The following PPM1E variants were observed in gnomAD, a reference collection of about 807,000 sequenced individuals.
The protein encoded by PPM1E is protein phosphatase 1E.
PPM1E carries 20 observed loss-of-function variants against 65.9 expected under a neutral mutation model. The observed-to-expected ratio is 0.30, with a 90% confidence interval of 0.21 to 0.44. The LOEUF is 0.44. Among genes scored for constraint, PPM1E ranks in the 20% least tolerant of loss-of-function variants. The pLI is 1.00. For missense variants in PPM1E, 713 were observed against 953.1 expected, an observed-to-expected ratio of 0.75 and a Z score of 3.32; for synonymous variants, 352 against 374.9, an observed-to-expected ratio of 0.94 and a Z score of 0.70.
intron 1 of PPM1E, among the ~76,000 whole-genome samples, chr17:58,851,949 C>T (rs2050830546): frequency 6.6e-6 from 1 of 152,206 alleles, no homozygotes; most frequent in African/African-American, 2.4e-5. Context: ...TTCCCAGCCA[C>T]TTTGTTTACC....
At chr17:58,927,122 CTTTTTT>C (rs533990179) in intron 1 of PPM1E, among the ~76,000 whole-genome samples, 1 of 124,628 alleles carries the variant, frequency 8.0e-6, no homozygotes, top group Non-Finnish European at 1.7e-5. Flanking sequence ...GACTTTTAAA[CTTTTTT>C]TTTTTTTTTT....
chr17:58,958,524 TAAAAAC>T (rs2029922287), intron 2 of PPM1E, among the ~76,000 whole-genome samples: 1 of 151,474 alleles, frequency 6.6e-6, no homozygotes, highest in Non-Finnish European at 1.5e-5. Context: ...CTGTAAAAAT[TAAAAAC>T]AAGAAGGGAA....
In PPM1E at chr17:58,755,911, C is replaced by A; in HGVS notation, c.-87C>A. ...CCGGTGCGGCCGTTAACCGCCCTTG[C>A]CGGAGCCCTAGGCTCAAAAGCAGCC... On this transcript the variant is annotated 5_prime_UTR_variant, in exon 1 of 7. Transcript: ENST00000308249. 6.4e-7 allele frequency: 1 copy of A among 1,566,566 alleles called. No homozygotes were observed. Among genetic ancestry groups the A allele is most frequent in the Non-Finnish European group, 8.6e-7 (1 of 1,157,036 alleles).
chr17:58,941,794 CAGG>C (rs2045141426), intron 1 of PPM1E, among the ~76,000 whole-genome samples: 1 of 148,454 alleles, frequency 6.7e-6, no homozygotes, highest in African/African-American at 2.5e-5. Flanking sequence ...CACCTGAGGT[CAGG>C]AGTTCGAGTC....
At chr17:58,972,642 C>T (rs1048929933) in intron 5 of PPM1E, among the ~76,000 whole-genome samples, 190 bp from the exon 6 acceptor site, 3 of 152,152 alleles carry the variant, frequency 2.0e-5, no homozygotes, top group South Asian at 2.1e-4. Flanking sequence ...TGAGCCACCG[C>T]GCCCGGCCAG....
intron 1 of PPM1E, among the ~76,000 whole-genome samples, chr17:58,833,031 G>C (rs936887437): frequency 1.3e-5 from 2 of 151,742 alleles, no homozygotes; most frequent in Non-Finnish European, 2.9e-5. Flanking sequence ...TCACCATGTT[G>C]GTCAGGCTGA....
chr17:58,873,524 C>A (rs1167758080), intron 1 of PPM1E, among the ~76,000 whole-genome samples: 1 of 151,146 alleles, frequency 6.6e-6, no homozygotes, highest in Non-Finnish European at 1.5e-5. Flanking sequence ...GGTAGCAAGA[C>A]TGAAACTTGA....
chr17:58,973,528 G>A (rs913011784), intron 6 of PPM1E, among the ~76,000 whole-genome samples: 1 of 149,578 alleles, frequency 6.7e-6, no homozygotes, highest in Non-Finnish European at 1.5e-5. Flanking sequence ...AAACCACAGT[G>A]GTTGGGACAG....
chr17:58,846,270 C>CT, intron 1 of PPM1E, among the ~76,000 whole-genome samples: 1 of 151,924 alleles, frequency 6.6e-6, no homozygotes, highest in African/African-American at 2.4e-5. Flanking sequence ...CATTTTCTTT[C>CT]TTTTTTATTA....
intron 1 of PPM1E, among the ~76,000 whole-genome samples, chr17:58,865,368 G>A (rs556614538): frequency 2.6e-5 from 4 of 151,252 alleles, no homozygotes; most frequent in Non-Finnish European, 5.9e-5. Context: ...CCTGGTGACA[G>A]AGTGAGACTC....
At chr17:58,756,922 T>C (rs1335923805) in intron 1 of PPM1E, among the ~76,000 whole-genome samples, 1 of 152,216 alleles carries the variant, frequency 6.6e-6, no homozygotes, top group East Asian at 1.9e-4. Context: ...GCCTTGTTGT[T>C]TGGCGGCAGA....
chr17:58,873,978 C>T (rs887810694), intron 1 of PPM1E, among the ~76,000 whole-genome samples: 8 of 151,958 alleles, frequency 5.3e-5, no homozygotes, highest in Non-Finnish European at 1.0e-4. Context: ...CAACAGAATT[C>T]ATTTATTGAA....
At chr17:58,896,934 A>G (rs2051425955) in intron 1 of PPM1E, among the ~76,000 whole-genome samples, 1 of 152,182 alleles carries the variant, frequency 6.6e-6, no homozygotes, top group African/African-American at 2.4e-5. Context: ...TTTAAATTGA[A>G]GTCCATCCTC....
chr17:58,795,853 A>G (rs2050201034), intron 1 of PPM1E, among the ~76,000 whole-genome samples: 1 of 152,058 alleles, frequency 6.6e-6, no homozygotes. Flanking sequence ...GTGTCTGTTC[A>G]TATCCTTTGC....
chr17:58,847,846 A>G (rs2050787332), intron 1 of PPM1E, among the ~76,000 whole-genome samples: 1 of 152,184 alleles, frequency 6.6e-6, no homozygotes, highest in South Asian at 2.1e-4. Flanking sequence ...CATTGAATCT[A>G]TAAATTACCT....
chr17:58,856,847 C>G (rs917627087), intron 1 of PPM1E, among the ~76,000 whole-genome samples: 2 of 152,178 alleles, frequency 1.3e-5, no homozygotes, highest in African/African-American at 4.8e-5. Flanking sequence ...GTCACCCAGT[C>G]TGTGGTACTT....
chr17:58,909,782 G>C (rs949179261), intron 1 of PPM1E, among the ~76,000 whole-genome samples: 2 of 151,394 alleles, frequency 1.3e-5, no homozygotes, highest in East Asian at 1.9e-4. Flanking sequence ...CTAGGTACAG[G>C]GTTTTTGTTT....
intron 1 of PPM1E, among the ~76,000 whole-genome samples, chr17:58,803,086 G>A (rs890236748): frequency 2.6e-5 from 4 of 152,066 alleles, no homozygotes; most frequent in Non-Finnish European, 4.4e-5. Context: ...ATGTTGAATA[G>A]CACTATGTTC....
chr17:58,877,280 A>C (rs1399791247), intron 1 of PPM1E, among the ~76,000 whole-genome samples: 1 of 152,184 alleles, frequency 6.6e-6, no homozygotes, highest in African/African-American at 2.4e-5. Context: ...TGTTAATGAA[A>C]AGGATAAGGT....
Sources: allele counts gnomAD v4.1 joint callset (sites outside exome capture counted in the v4.1 genomes callset), GRCh38; gene constraint gnomAD v4.1.1; transcripts MANE v1.5; gene names NCBI Gene and HGNC (gene_info 2026-07-23, HGNC 2026-07-21).